UST: variants seen among roughly 807,000 people sequenced by gnomAD.
UST encodes uronyl 2-sulfotransferase, also known as chondroitin sulfate 2-O-sulfotransferase.
Under a neutral mutation model 45.6 loss-of-function variants are expected in UST, and 21 were observed. That is an observed-to-expected ratio of 0.46 (90% confidence interval 0.33 to 0.66). The LOEUF is 0.66. Ranked by LOEUF, UST falls within the 30% of genes least tolerant of loss-of-function variation. UST has a pLI of 0.02. For synonymous variants in UST, 215 were observed against 200.6 expected (o/e 1.07, Z -0.61); for missense variants, 463 against 512.4 (o/e 0.90, Z 0.93).
chr6:149,056,208 G>A (rs374886888), intron 7 of UST, among the ~76,000 whole-genome samples: 3 of 113,226 alleles, frequency 2.6e-5, no homozygotes, highest in East Asian at 2.3e-4. Context: ...TCTGCCTCCC[G>A]GGTTCAAGCG....
intron 1 of UST, among the ~76,000 whole-genome samples, chr6:148,793,676 C>A (rs1303558163): frequency 6.6e-6 from 1 of 152,122 alleles, no homozygotes; most frequent in East Asian, 1.9e-4. Context: ...TTTTTCAGCT[C>A]CATTATCATC....
chr6:148,969,605 A>G (rs972126762), intron 5 of UST, among the ~76,000 whole-genome samples: 3 of 152,188 alleles, frequency 2.0e-5, no homozygotes, highest in Non-Finnish European at 2.9e-5. Context: ...AACACATTTC[A>G]GTATTGATGC....
intron 1 of UST, among the ~76,000 whole-genome samples, chr6:148,801,401 G>T (rs1461858051): frequency 1.3e-5 from 2 of 152,070 alleles, no homozygotes; most frequent in Admixed American, 1.3e-4. Context: ...CTTATAATGA[G>T]GGTTCCTAGA....
At chr6:149,064,229 C>T (rs1004529323) in intron 7 of UST, among the ~76,000 whole-genome samples, 1 of 152,298 alleles carries the variant, frequency 6.6e-6, no homozygotes, top group African/African-American at 2.4e-5. Context: ...GCTCCATCCA[C>T]TCGTCAGCAA....
intron 5 of UST, among the ~76,000 whole-genome samples, chr6:148,981,348 A>G (rs569077994): frequency 1.3e-5 from 2 of 152,324 alleles, no homozygotes; most frequent in East Asian, 3.9e-4. Context: ...TAAAACCAGG[A>G]TGCTCACCCA....
intron 1 of UST, among the ~76,000 whole-genome samples, chr6:148,831,210 G>A (rs1477561647): frequency 1.3e-5 from 2 of 152,108 alleles, no homozygotes; most frequent in Admixed American, 6.5e-5. Flanking sequence ...CTGTTTCGCA[G>A]CCACATACCA....
At chr6:148,989,036 G>A (rs1363591423) in intron 5 of UST, among the ~76,000 whole-genome samples, 2 of 152,156 alleles carry the variant, frequency 1.3e-5, no homozygotes, top group Admixed American at 1.3e-4. Context: ...AACCTCAGCA[G>A]TCCTTCCTCA....
intron 3 of UST, among the ~76,000 whole-genome samples, chr6:148,943,828 G>T (rs530270946): frequency 2.8e-4 from 42 of 152,206 alleles, no homozygotes; most frequent in Non-Finnish European, 5.1e-4. Context: ...TTTTAAAAAC[G>T]CATGGCAAAG....
chr6:149,022,193 A>G (rs1365573197), intron 7 of UST, among the ~76,000 whole-genome samples: 5 of 152,176 alleles, frequency 3.3e-5, no homozygotes, highest in Non-Finnish European at 4.4e-5. Context: ...GTTTTTTCCT[A>G]TTCTCCTTAA....
chr6:148,854,709 A>AT (rs781427775), intron 1 of UST, among the ~76,000 whole-genome samples: 1 of 152,158 alleles, frequency 6.6e-6, no homozygotes, highest in African/African-American at 2.4e-5. Context: ...TTCCTGATGA[A>AT]TTGAAGTTCA....
chr6:148,750,176 T>G (rs1391529407), intron 1 of UST, among the ~76,000 whole-genome samples: 1 of 152,258 alleles, frequency 6.6e-6, no homozygotes, highest in East Asian at 1.9e-4. Context: ...AATCAAAATA[T>G]GTTTATATCA....
chr6:149,025,478 C>T (rs1776037478), intron 7 of UST, among the ~76,000 whole-genome samples: 1 of 152,138 alleles, frequency 6.6e-6, no homozygotes, highest in South Asian at 2.1e-4. Context: ...AGCCGGTGCG[C>T]AGCTGCTGAT....
At chr6:148,826,195 C>G (rs541045607) in intron 1 of UST, among the ~76,000 whole-genome samples, 2 of 152,350 alleles carry the variant, frequency 1.3e-5, no homozygotes, top group African/African-American at 4.8e-5. Context: ...CCACTGCAGC[C>G]TCCGCCTCCC....
At chr6:148,860,690 G>T (rs1231122586) in intron 1 of UST, among the ~76,000 whole-genome samples, 1 of 152,180 alleles carries the variant, frequency 6.6e-6, no homozygotes, top group African/African-American at 2.4e-5. Flanking sequence ...AGTTTATTGA[G>T]AGTTTTTAGC....
chr6:149,049,187 A>G (rs7752650), intron 7 of UST, among the ~76,000 whole-genome samples: 5,848 of 152,314 alleles, frequency 0.038, 370 homozygotes, highest in African/African-American at 0.13. Flanking sequence ...AAAAAATCAT[A>G]CAGGTACATA....
Position 149,012,107 on chromosome 6 carries a change from C to T in UST, c.682-7032C>T, listed in dbSNP as rs190928994. 1.5e-3 allele frequency among the ~76,000 whole-genome samples: 235 copies of T among 152,334 alleles called. 2 individuals are homozygous for T. Among genetic ancestry groups the T allele is most frequent in the African/African-American group, 5.4e-3 (226 of 41,582 alleles). On this transcript the variant is annotated intron_variant, in intron 5 of 7. Transcript: ENST00000367463. ...ACAACAGGGAGAGCAACGTGCTTCT[C>T]TGCCTGATGCTGATGCTTCCTGGAT...
At chr6:148,895,760 A>G (rs1202791916) in intron 2 of UST, among the ~76,000 whole-genome samples, 1 of 152,184 alleles carries the variant, frequency 6.6e-6, no homozygotes, top group East Asian at 1.9e-4. Flanking sequence ...ACCTTCAGCC[A>G]TGATCGTGAG....
intron 7 of UST, among the ~76,000 whole-genome samples, chr6:149,055,135 A>T (rs1375799047): frequency 6.6e-6 from 1 of 152,086 alleles, no homozygotes; most frequent in African/African-American, 2.4e-5. Flanking sequence ...ATTTGAGAGT[A>T]AAGGTTACTA....
At chr6:148,842,202 T>A (rs1582846018) in intron 1 of UST, among the ~76,000 whole-genome samples, 1 of 152,332 alleles carries the variant, frequency 6.6e-6, no homozygotes, top group South Asian at 2.1e-4. Context: ...CATTACGGTA[T>A]AGAAAGTGTC....
Sources: allele counts gnomAD v4.1 joint callset (sites outside exome capture counted in the v4.1 genomes callset), GRCh38; gene constraint gnomAD v4.1.1; transcripts MANE v1.5; gene names NCBI Gene and HGNC (gene_info 2026-07-23, HGNC 2026-07-21).